The following CELF2 variants were observed in gnomAD, a reference collection of about 807,000 sequenced individuals.
The protein encoded by CELF2 is CUGBP Elav-like family member 2.
Under a neutral mutation model 62.6 loss-of-function variants are expected in CELF2, and 8 were observed. That is an observed-to-expected ratio of 0.13 (90% CI 0.07 to 0.23). CELF2 has a LOEUF of 0.23. Ranked by LOEUF, CELF2 falls within the 10% of genes least tolerant of loss-of-function variation. CELF2 has a pLI of 1.00. For synonymous variants in CELF2, 258 were observed against 250.0 expected, an observed-to-expected ratio of 1.03 and a Z score of -0.30; for missense variants, 333 against 671.0, an observed-to-expected ratio of 0.50 and a Z score of 5.56.
the CELF2 span, among the ~76,000 whole-genome samples, chr10:10,555,812 A>G: frequency 2.6e-5 from 4 of 152,246 alleles, no homozygotes; most frequent in South Asian, 6.2e-4. Context: ...AGTTCAGTAA[A>G]CTACAAAGAA....
At chr10:10,798,643 C>G (rs1480003988) in exon 1 of CELF2, 1 of 397,956 alleles carries the variant, frequency 2.5e-6, no homozygotes, top group Non-Finnish European at 4.4e-6. Context: ...GCGTGTCAGC[C>G]CGGGAAGGAG....
At chr10:10,533,029 A>G in the CELF2 span, among the ~76,000 whole-genome samples, 1 of 152,178 alleles carries the variant, frequency 6.6e-6, no homozygotes, top group African/African-American at 2.4e-5. Flanking sequence ...GCAAATTTAA[A>G]TCCATCTTAT....
the CELF2 span, among the ~76,000 whole-genome samples, chr10:10,525,411 T>A: frequency 6.0e-4 from 92 of 152,296 alleles, no homozygotes; most frequent in Non-Finnish European, 1.0e-3. Context: ...GTATTTTATG[T>A]GTTGCCCCAG....
At chr10:10,691,125 T>A in the CELF2 span, among the ~76,000 whole-genome samples, 1 of 151,940 alleles carries the variant, frequency 6.6e-6, no homozygotes, top group Non-Finnish European at 1.5e-5. Flanking sequence ...CATCTAGCAT[T>A]AGGTATATCT....
At chr10:11,022,124 C>T (rs113624985) in intron 1 of CELF2, among the ~76,000 whole-genome samples, 1,631 of 152,194 alleles carry the variant, frequency 0.011, 35 homozygotes, top group African/African-American at 0.037. Flanking sequence ...TCACCTGATA[C>T]TCTGATGGTC....
Position 10,851,437 on chromosome 10 carries a change from TAACTC to T in CELF2, c.53+52622_53+52626del, listed in dbSNP as rs2059375529. On this transcript the variant is annotated intron_variant, in intron 1 of 13. Coordinates refer to the CELF2 transcript ENST00000636488. ...GATTCTCACACCATCTTTTAAAAATTAACTCAGCAAGGTTGCCGACCTCAATATAA... is the reference window on the plus strand; with the variant it reads ...GATTCTCACACCATCTTTTAAAAATTAGCAAGGTTGCCGACCTCAATATAA... 2.0e-5 allele frequency among the ~76,000 whole-genome samples: 3 copies of T among 152,318 alleles called. No individual in the cohort carries two copies. In the South Asian group the frequency reaches 6.2e-4, roughly 32 times the overall value.
chr10:10,592,807 G>A, the CELF2 span, among the ~76,000 whole-genome samples: 1 of 152,072 alleles, frequency 6.6e-6, no homozygotes, highest in Non-Finnish European at 1.5e-5. Context: ...AAGCATGGGG[G>A]CGTTGCGGTG....
the CELF2 span, among the ~76,000 whole-genome samples, chr10:10,561,412 A>G: frequency 6.6e-6 from 1 of 152,190 alleles, no homozygotes; most frequent in African/African-American, 2.4e-5. Flanking sequence ...CCTTCATTCA[A>G]CAAATACATG....
At chr10:11,140,055 T>G (rs2061074692) in intron 1 of CELF2, among the ~76,000 whole-genome samples, 1 of 152,216 alleles carries the variant, frequency 6.6e-6, no homozygotes, top group Non-Finnish European at 1.5e-5. Flanking sequence ...TTTTAGTTTT[T>G]GAGAGATGGT....
rs1396207726 is a variant in CELF2, at chr10:11,211,478, C to T, written c.272-5947C>T. 3.9e-5 allele frequency among the ~76,000 whole-genome samples: 6 copies of T among 152,152 alleles called. No individual in the cohort carries two copies. Among genetic ancestry groups the T allele is most frequent in the Admixed American group, 6.5e-5 (1 of 15,272 alleles). On this transcript the variant is annotated intron_variant, in intron 2 of 12. Transcript: ENST00000633077. The surrounding 1 kb of genome is among the most constrained non-coding windows in gnomAD (Gnocchi z 4.8). ...ATATCATTGTCTAGAGTGGTGTCTA[C>T]ATTACCTCCACACTGAAAAATATAA...
At position 11,247,142 on chromosome 10, in the gene CELF2, G is replaced by A. The variant is rs774145432; in HGVS notation, c.355-2011G>A. On this transcript the variant is annotated intron_variant, in intron 3 of 12. Transcript: ENST00000633077. This position sits in a 1 kb window ranked among gnomAD's most constrained non-coding sequence, Gnocchi z 5.4. Reference sequence around the variant, plus strand: ...CTCGTCTGTAATCCACCCTCCACACGGCAGCCAAAATGGCTTTTCTAGAAT... The same window carrying A: ...CTCGTCTGTAATCCACCCTCCACACAGCAGCCAAAATGGCTTTTCTAGAAT... Among the ~76,000 whole-genome samples the A allele has an allele frequency of 2.0e-5, 3 of 152,160 alleles. No homozygotes were observed. Among genetic ancestry groups the A allele is most frequent in the Admixed American group, 1.3e-4 (2 of 15,280 alleles).
chr10:11,153,483 A>T (rs1050755049), intron 1 of CELF2, among the ~76,000 whole-genome samples: 1 of 152,106 alleles, frequency 6.6e-6, no homozygotes, highest in Non-Finnish European at 1.5e-5. Flanking sequence ...GCCCAGTTAC[A>T]TTTGTTGATA....
At position 11,318,022 on chromosome 10, in the gene CELF2, A is replaced by C. The variant is rs1024479174; in HGVS notation, c.1097-3167A>C. 6.6e-6 allele frequency: 1 copy of C among 152,224 alleles called. No homozygotes were observed. The highest frequency in any genetic ancestry group is 2.1e-4 in the South Asian group (1 of 4,828). 9.4% of individuals were successfully genotyped at this position (152,224 alleles called of 1,614,324 possible). Reference sequence around the variant, plus strand: ...AAGTGGAAGCATTTTATTCAACTTGACTTTCTTCACAGCTCTGCTTCTGTT... The same window carrying C: ...AAGTGGAAGCATTTTATTCAACTTGCCTTTCTTCACAGCTCTGCTTCTGTT... On this transcript the variant is annotated intron_variant, in intron 10 of 12. Coordinates refer to ENST00000633077, the MANE Select transcript of CELF2 (RefSeq NM_001326342.2). This position sits in a 1 kb window ranked among gnomAD's most constrained non-coding sequence, Gnocchi z 5.4.
At chr10:10,901,426 A>C (rs1591696593) in intron 1 of CELF2, among the ~76,000 whole-genome samples, 1 of 152,248 alleles carries the variant, frequency 6.6e-6, no homozygotes, top group African/African-American at 2.4e-5. Context: ...GAAGTGAGAA[A>C]AGAATGAATT....
chr10:10,529,041 G>A, the CELF2 span, among the ~76,000 whole-genome samples: 11 of 152,186 alleles, frequency 7.2e-5, no homozygotes, highest in African/African-American at 2.4e-4. Context: ...ATAGAAATAA[G>A]CTAGATATAC....
At chr10:10,649,815 G>A in the CELF2 span, among the ~76,000 whole-genome samples, 1 of 152,170 alleles carries the variant, frequency 6.6e-6, no homozygotes, top group Admixed American at 6.5e-5. Context: ...GTCCGATTGT[G>A]CCCACTTGCT....
At chr10:11,142,671 G>A (rs1032202740) in intron 1 of CELF2, among the ~76,000 whole-genome samples, 3 of 134,366 alleles carry the variant, frequency 2.2e-5, no homozygotes, top group South Asian at 2.4e-4. Context: ...GTGACAGAGC[G>A]AGACGCTGTC....
the CELF2 span, among the ~76,000 whole-genome samples, chr10:10,688,925 G>A: frequency 1.3e-5 from 2 of 151,920 alleles, no homozygotes; most frequent in Non-Finnish European, 2.9e-5. Flanking sequence ...AATTGCTTGA[G>A]CCCAGGAATT....
the CELF2 span, among the ~76,000 whole-genome samples, chr10:10,651,152 G>A: frequency 1.6e-4 from 20 of 126,672 alleles, 1 homozygote; most frequent in African/African-American, 4.3e-4. Flanking sequence ...CGAATTTTGC[G>A]CTTTTCAGAC....
Sources: gnomAD v4.1 joint callset for allele counts (sites outside exome capture counted in the v4.1 genomes callset) on GRCh38, gnomAD v4.1.1 for gene constraint, Gnocchi (gnomAD v3.1) non-coding constraint, MANE v1.5 for transcripts, NCBI Gene and HGNC (gene_info 2026-07-23, HGNC 2026-07-21) for gene names.